Variants in SKAP2 observed in about 807,000 individuals in gnomAD.
The protein encoded by SKAP2 is src kinase-associated phosphoprotein 2.
In SKAP2, 28 loss-of-function variants were observed where a neutral mutation model predicts 54.9. That is an observed-to-expected ratio of 0.51 (90% confidence interval 0.38 to 0.70). SKAP2 has a LOEUF of 0.70. SKAP2 is among the 30% of genes least tolerant of loss of function. The probability of loss-of-function intolerance (pLI) is 0.00; values close to 1 mark genes in which losing one functional copy is unlikely to be tolerated. For synonymous variants in SKAP2, 137 were observed against 134.3 expected (o/e 1.02, Z -0.14); for missense variants, 356 against 424.1 (o/e 0.84, Z 1.41).
At chr7:26,687,886 GATTA>G (rs1044834840) in intron 10 of SKAP2, among the ~76,000 whole-genome samples, 2 of 151,604 alleles carry the variant, frequency 1.3e-5, no homozygotes, top group African/African-American at 4.8e-5. Flanking sequence ...TTACTACATG[GATTA>G]ATTTTCCTAT....
rs561264053 is a variant in SKAP2 at position 26,686,836 on chromosome 7, C to G, written c.875-1988G>C. The stretch of plus-strand genomic sequence containing the variant: ...CCCACAGTAACATGCGAGGCCCTCC[C>G]CCACAGTAACTGGCCAGGAGGTAAA... On this transcript the variant is annotated intron_variant, in intron 10 of 12. Coordinates refer to ENST00000345317, the MANE Select transcript of SKAP2 (RefSeq NM_003930.5). 2.0e-5 allele frequency among the ~76,000 whole-genome samples: 3 copies of G among 152,180 alleles called. No individual in the cohort carries two copies. The East Asian group carries it at 5.9e-4, about 30-fold the overall frequency.
chr7:26,719,089 A>G (rs2127953331), intron 9 of SKAP2, among the ~76,000 whole-genome samples: 1 of 152,206 alleles, frequency 6.6e-6, no homozygotes, highest in Admixed American at 6.5e-5. Flanking sequence ...CTAAGGCAGG[A>G]GAAACACTTG....
intron 10 of SKAP2, 105 bp from the exon 11 acceptor site, chr7:26,684,953 G>A (rs748007526): frequency 7.7e-6 from 5 of 650,828 alleles, no homozygotes; most frequent in Middle Eastern, 2.5e-4. Flanking sequence ...CACTAAAATA[G>A]TCTAAAAAAA....
chr7:26,848,462 A>C (rs1358779952), intron 3 of SKAP2, among the ~76,000 whole-genome samples: 2 of 152,160 alleles, frequency 1.3e-5, no homozygotes, highest in African/African-American at 4.8e-5. Context: ...ACAAAATTAC[A>C]AGGTGTATAT....
chr7:26,715,342 G>T (rs749666225), intron 9 of SKAP2, among the ~76,000 whole-genome samples: 7 of 151,694 alleles, frequency 4.6e-5, no homozygotes, highest in Non-Finnish European at 1.0e-4. Flanking sequence ...AAAAAAATCT[G>T]ATCTTTTTTT....
intron 4 of SKAP2, among the ~76,000 whole-genome samples, chr7:26,778,253 A>G (rs1783355667): frequency 6.6e-6 from 1 of 152,116 alleles, no homozygotes; most frequent in Non-Finnish European, 1.5e-5. Flanking sequence ...GGCTGGGTTT[A>G]GCCTAGGCTC....
the SKAP2 span, among the ~76,000 whole-genome samples, chr7:26,657,995 T>C: frequency 1.3e-5 from 2 of 152,072 alleles, no homozygotes; most frequent in African/African-American, 4.8e-5. Context: ...ATATTATTTG[T>C]AGGCATTTGG....
chr7:26,712,329 A>C (rs914152405), intron 9 of SKAP2, among the ~76,000 whole-genome samples: 2 of 152,196 alleles, frequency 1.3e-5, no homozygotes, highest in Non-Finnish European at 1.5e-5. Context: ...CTTAAATACA[A>C]GTTTGATATG....
rs773959755 is a variant in SKAP2, at chr7:26,750,725, C to T, written c.308-10761G>A. 2.2e-4 allele frequency among the ~76,000 whole-genome samples: 33 copies of T among 152,176 alleles called. 1 individual carries two copies. Among genetic ancestry groups the T allele is most frequent in the Middle Eastern group, 6.8e-3 (2 of 294 alleles). On this transcript the variant is annotated intron_variant, in intron 4 of 12. Coordinates refer to ENST00000345317, the MANE Select transcript of SKAP2 (RefSeq NM_003930.5). Reference sequence around the variant, plus strand: ...CCATTTTGGTTTAAAAACACATATACACAAACATGGAACAAATTAGTAATG... The same window carrying T: ...CCATTTTGGTTTAAAAACACATATATACAAACATGGAACAAATTAGTAATG...
chr7:26,757,345 T>G (rs959802430), intron 4 of SKAP2, among the ~76,000 whole-genome samples: 9 of 152,246 alleles, frequency 5.9e-5, no homozygotes, highest in Non-Finnish European at 1.3e-4. Context: ...GAATTAATTT[T>G]TGTACAAGGT....
At chr7:26,717,069 ATG>A (rs1469635174) in intron 9 of SKAP2, among the ~76,000 whole-genome samples, 1 of 152,094 alleles carries the variant, frequency 6.6e-6, no homozygotes, top group African/African-American at 2.4e-5. Flanking sequence ...ATTCAAAGTG[ATG>A]TGTGTTTCCT....
intron 4 of SKAP2, among the ~76,000 whole-genome samples, chr7:26,808,468 G>T (rs1267241054): frequency 6.6e-6 from 1 of 152,136 alleles, no homozygotes; most frequent in East Asian, 1.9e-4. Context: ...GGGTAGGGAG[G>T]TGGGTGAATG....
chr7:26,798,034 A>C (rs1783819616), intron 4 of SKAP2, among the ~76,000 whole-genome samples: 1 of 151,980 alleles, frequency 6.6e-6, no homozygotes, highest in South Asian at 2.1e-4. Flanking sequence ...GAATAATAAT[A>C]ATAACAGAGA....
chr7:26,710,844 G>T (rs1272772048), intron 9 of SKAP2, among the ~76,000 whole-genome samples: 3 of 152,092 alleles, frequency 2.0e-5, no homozygotes, highest in African/African-American at 7.2e-5. Flanking sequence ...AGGAGGTTTT[G>T]AATTCTTTTA....
At chr7:26,846,543 C>G (rs1358367979) in intron 3 of SKAP2, among the ~76,000 whole-genome samples, 1 of 152,056 alleles carries the variant, frequency 6.6e-6, no homozygotes, top group African/African-American at 2.4e-5. Flanking sequence ...CAGTTCATTA[C>G]TAAAGCTATA....
chr7:26,828,676 CAAA>C (rs61268985), intron 4 of SKAP2, among the ~76,000 whole-genome samples: 1 of 100,096 alleles, frequency 1.0e-5, no homozygotes. Context: ...GACTCTGTCT[CAAA>C]AAAAAAAAAA....
chr7:26,773,260 C>T (rs10238303), intron 4 of SKAP2, among the ~76,000 whole-genome samples: 5,547 of 152,286 alleles, frequency 0.036, 336 homozygotes, highest in African/African-American at 0.13. Context: ...TTACATTTTT[C>T]TCTTCCTATC....
chr7:26,824,516 T>C (rs1365213035), intron 4 of SKAP2, among the ~76,000 whole-genome samples: 1 of 152,178 alleles, frequency 6.6e-6, no homozygotes, highest in African/African-American at 2.4e-5. Flanking sequence ...AATATACCTA[T>C]AGGCCAAATT....
intron 4 of SKAP2, among the ~76,000 whole-genome samples, chr7:26,806,528 C>T (rs918915402): frequency 7.2e-5 from 11 of 152,112 alleles, no homozygotes; most frequent in Admixed American, 6.6e-4. Flanking sequence ...AGCAAACAAA[C>T]AAAGCTAGAA....
Sources: allele counts gnomAD v4.1 joint callset (sites outside exome capture counted in the v4.1 genomes callset), GRCh38; gene constraint gnomAD v4.1.1; transcripts MANE v1.5; gene names NCBI Gene and HGNC (gene_info 2026-07-23, HGNC 2026-07-21).